The following ALK variants were observed in gnomAD, a reference collection of about 807,000 sequenced individuals.
The protein encoded by ALK is ALK tyrosine kinase receptor.
In ALK, 74 loss-of-function variants were observed where a neutral mutation model predicts 163.1. That is an observed-to-expected ratio of 0.45 (90% CI 0.38 to 0.55). The LOEUF (loss-of-function observed/expected upper bound fraction) is 0.55. Among genes scored for constraint, ALK ranks in the 20% least tolerant of loss-of-function variants. The pLI is 0.00. For synonymous variants in ALK, 960 were observed against 843.2 expected (o/e 1.14, Z -2.40); for missense variants, 2,063 against 2,105.3 (o/e 0.98, Z 0.39).
intron 1 of ALK, among the ~76,000 whole-genome samples, chr2:29,831,840 A>T (rs774586784): frequency 3.0e-4 from 45 of 152,210 alleles, no homozygotes; most frequent in Non-Finnish European, 5.7e-4. Flanking sequence ...AGTGCAAGAC[A>T]TTATTTGTGA....
chr2:29,579,565 GTCCTCTA>G (rs1674620035), intron 3 of ALK, among the ~76,000 whole-genome samples: 1 of 152,186 alleles, frequency 6.6e-6, no homozygotes, highest in Non-Finnish European at 1.5e-5. Context: ...CCTCAGCGAT[GTCCTCTA>G]TACACTTTGG....
intron 3 of ALK, among the ~76,000 whole-genome samples, chr2:29,603,708 C>A (rs745451164): frequency 3.8e-4 from 58 of 152,108 alleles, no homozygotes; most frequent in Non-Finnish European, 7.6e-4. Flanking sequence ...CTTGGCCCAG[C>A]AAGCTCAGCA....
chr2:29,355,767 C>T (rs1251474358), intron 5 of ALK, among the ~76,000 whole-genome samples: 1 of 152,164 alleles, frequency 6.6e-6, no homozygotes, highest in Non-Finnish European at 1.5e-5. Context: ...GCTTGCTCCA[C>T]ACTCTGTCCA....
intron 1 of ALK, among the ~76,000 whole-genome samples, chr2:29,914,802 T>C (rs1667789222): frequency 6.6e-6 from 1 of 152,218 alleles, no homozygotes; most frequent in Admixed American, 6.5e-5. Flanking sequence ...CTCTTTGTAA[T>C]CTGCACTTGG....
chr2:29,510,314 T>C (rs1027495434), intron 4 of ALK, among the ~76,000 whole-genome samples: 1 of 152,172 alleles, frequency 6.6e-6, no homozygotes, highest in Non-Finnish European at 1.5e-5. Flanking sequence ...TGTTTGCTAT[T>C]TTAAATCATA....
At chr2:29,784,495 A>T (rs1423523159) in intron 1 of ALK, among the ~76,000 whole-genome samples, 1 of 152,158 alleles carries the variant, frequency 6.6e-6, no homozygotes, top group East Asian at 1.9e-4. Context: ...CAGGAGTTCA[A>T]GACCAGCCTG....
chr2:29,825,043 C>T (rs1463894606), intron 1 of ALK, among the ~76,000 whole-genome samples: 2 of 152,120 alleles, frequency 1.3e-5, no homozygotes, highest in African/African-American at 4.8e-5. Flanking sequence ...GAGTAAGGCT[C>T]ATGAGATCTG....
chr2:29,302,342 A>T (rs1202728807), intron 8 of ALK, among the ~76,000 whole-genome samples: 1 of 152,092 alleles, frequency 6.6e-6, no homozygotes, highest in Non-Finnish European at 1.5e-5. Flanking sequence ...ATATGGTGAA[A>T]CCCTGCCTCT....
intron 5 of ALK, 99 bp from the exon 6 acceptor site, chr2:29,328,580 AT>A (rs1455168430): frequency 6.7e-6 from 10 of 1,483,966 alleles, no homozygotes; most frequent in Non-Finnish European, 9.4e-6. Context: ...CAGGGACAGC[AT>A]TATCCTGCCC....
Position 29,667,410 on chromosome 2 carries a change from C to T in ALK, c.952+27440G>A, listed in dbSNP as rs1677545872. On this transcript the variant is annotated intron_variant, in intron 3 of 28. Transcript: ENST00000389048. The stretch of plus-strand genomic sequence containing the variant: ...CTTGTTCCATTCCTTAGAGGAAAGG[C>T]TTTTAATTTTTTCCTATTCGGTACA... Among the ~76,000 whole-genome samples, 2 of 152,004 alleles carry T rather than the reference C, an allele frequency of 1.3e-5. 1 individual carries two copies. The highest frequency in any genetic ancestry group is 4.2e-4 in the South Asian group (2 of 4,816).
chr2:29,466,461 T>C (rs1671216985), intron 4 of ALK, among the ~76,000 whole-genome samples: 1 of 152,172 alleles, frequency 6.6e-6, no homozygotes, highest in African/African-American at 2.4e-5. Flanking sequence ...CACATATGGG[T>C]GCTATCACAT....
Position 29,527,341 on chromosome 2 carries a change from A to T in ALK, c.1154+4574T>A, listed in dbSNP as rs1573430738. Among the ~76,000 whole-genome samples the T allele has an allele frequency of 2.0e-5, 3 of 152,218 alleles. No individual in the cohort carries two copies. In the East Asian group the frequency reaches 5.8e-4, roughly 29 times the overall value. On this transcript the variant is annotated intron_variant, in intron 4 of 28. Coordinates refer to ENST00000389048, the MANE Select transcript of ALK (RefSeq NM_004304.5). ...AAGCGCGGCAGCTGTGTGGGTACCC[A>T]GCATGAATGCAAATTTTTCTTCACT...
chr2:29,776,401 G>A (rs1240392587), intron 1 of ALK, among the ~76,000 whole-genome samples: 2 of 22,986 alleles, frequency 8.7e-5, no homozygotes, highest in African/African-American at 1.1e-4. Flanking sequence ...TTGATTCAGC[G>A]TTGAGCAAGA....
At chr2:29,297,193 C>A (rs1666213988) in intron 8 of ALK, 136 bp from the exon 9 acceptor site, 2 of 890,870 alleles carry the variant, frequency 2.2e-6, no homozygotes, top group African/African-American at 1.6e-5. Flanking sequence ...TGGATGCCCA[C>A]CACCTGTCTC....
chr2:29,296,938 G>C lies in ALK; in HGVS notation c.1767C>G (p.Gly589=), dbSNP rs747569797. 6.2e-7 allele frequency: 1 copy of C among 1,614,214 alleles called. No homozygotes were observed. The highest frequency in any genetic ancestry group is 1.1e-5 in the South Asian group (1 of 91,086). Residue 589 remains glycine (G), a synonymous_variant, in exon 9 of 29, where the codon GGC becomes GGG. Transcript: ENST00000389048. ...ACACCATCCACTGCCACAGGCTCAA[G>C]CCTTCATAGGCGGCGACATGCCAGA... is the stretch of plus-strand genomic sequence containing the variant. The part of the protein sequence containing the change: ...RMVWHVAAYE[G]LSLWQWMVLP...
chr2:29,557,532 C>G (rs755981302), intron 3 of ALK, among the ~76,000 whole-genome samples: 3 of 152,046 alleles, frequency 2.0e-5, no homozygotes, highest in Non-Finnish European at 4.4e-5. Context: ...TTATTTTGAC[C>G]TTTTAACTAA....
At chr2:29,202,031 C>T (rs1057247857) in intron 26 of ALK, among the ~76,000 whole-genome samples, 6 of 152,178 alleles carry the variant, frequency 3.9e-5, no homozygotes, top group Non-Finnish European at 5.9e-5. Flanking sequence ...ATAAAATCCA[C>T]ATCCCCCATC....
At chr2:29,298,959 T>C (rs139326477) in intron 8 of ALK, among the ~76,000 whole-genome samples, 9 of 152,328 alleles carry the variant, frequency 5.9e-5, no homozygotes, top group African/African-American at 2.2e-4. Context: ...GGTTCACCCA[T>C]TCTGGAGAAA....
intron 1 of ALK, among the ~76,000 whole-genome samples, chr2:29,835,428 C>T (rs1665533771): frequency 6.6e-6 from 1 of 152,176 alleles, no homozygotes; most frequent in African/African-American, 2.4e-5. Flanking sequence ...GATGTGTCTT[C>T]CCATTGTACA....
Sources: gnomAD v4.1 joint callset for allele counts (sites outside exome capture counted in the v4.1 genomes callset) on GRCh38, gnomAD v4.1.1 for gene constraint, MANE v1.5 for transcripts, NCBI Gene and HGNC (gene_info 2026-07-23, HGNC 2026-07-21) for gene names.